The following STARD8 variants were observed in gnomAD, a reference collection of about 807,000 sequenced individuals.
STARD8 encodes stAR-related lipid transfer protein 8.
STARD8 carries 25 observed loss-of-function variants against 69.4 expected under a neutral mutation model. That is an observed-to-expected ratio of 0.36 (90% CI 0.26 to 0.50). The LOEUF (loss-of-function observed/expected upper bound fraction) is 0.50. Ranked by LOEUF, STARD8 falls within the 20% of genes least tolerant of loss-of-function variation. The pLI is 0.96. For missense variants in STARD8, 921 were observed against 932.5 expected (o/e 0.99, Z 0.16); for synonymous variants, 389 against 374.6 (o/e 1.04, Z -0.45).
intron 2 of STARD8, among the ~76,000 whole-genome samples, chrX:68,673,662 C>A (rs2079744511): frequency 8.9e-6 from 1 of 112,325 alleles, no homozygotes; most frequent in African/African-American, 3.2e-5. Flanking sequence ...AAGTGTGGAT[C>A]ATTTTGGGGT....
chrX:68,707,223 C>T (rs139892413), intron 2 of STARD8, among the ~76,000 whole-genome samples: 17 of 112,453 alleles, frequency 1.5e-4, no homozygotes, highest in Middle Eastern at 4.6e-3. Flanking sequence ...TAAAGGAGGC[C>T]ACCACGTGTT....
At position 68,724,109 on chromosome X, in the gene STARD8, G is replaced by A. The variant is rs200912702; in HGVS notation, c.3182G>A (p.Arg1061Gln). 4.1e-4 allele frequency: 500 copies of A among 1,208,462 alleles called. 2 individuals carry two copies. Among genetic ancestry groups the A allele is most frequent in the Non-Finnish European group, 1.1e-4 (96 of 894,462 alleles). The change falls in exon 14 of 15, where the codon CGG becomes CAG. Residue 1061 changes from arginine (R) to glutamine (Q), a missense_variant. Arg to Gln is a conservative substitution (Grantham distance 43). Coordinates refer to ENST00000374599, the MANE Select transcript of STARD8 (RefSeq NM_001142503.3). ...LGRSRLTHIC[R>Q]ADLRGRSPDW... ...CGCTCTCGGCTCACACACATCTGCC[G>A]GGCTGACCTCAGGTATCAGGCCTGG...
intron 1 of STARD8, among the ~76,000 whole-genome samples, chrX:68,653,618 A>C: frequency 3.0e-5 from 1 of 33,241 alleles, no homozygotes; most frequent in Non-Finnish European, 5.8e-5. Context: ...CCCACCACAC[A>C]CACACACACC....
At position 68,722,574 on chromosome X, in the gene STARD8, T is replaced by C; in HGVS notation, c.2727T>C (p.Arg909=). Residue 909 remains arginine (R), a synonymous_variant, in exon 12 of 15, where the codon CGT becomes CGC. Transcript: ENST00000374599. ...AAGAGAATATCCAGGACCTGCTGCG[T>C]GATGCTGCTGAGCGCTTCAAGGGCT... ...YMEENIQDLL[R]DAAERFKGWM... 1 of 1,211,842 alleles carries C rather than the reference T, an allele frequency of 8.3e-7. No individual in the cohort carries two copies. Among genetic ancestry groups the C allele is most frequent in the Non-Finnish European group, 1.1e-6 (1 of 895,591 alleles).
chrX:68,657,367 AT>A (rs918144503), intron 1 of STARD8, among the ~76,000 whole-genome samples: 7 of 111,661 alleles, frequency 6.3e-5, no homozygotes, highest in African/African-American at 2.3e-4. Flanking sequence ...AGCAATATTT[AT>A]TCAGGGCCTA....
intron 1 of STARD8, among the ~76,000 whole-genome samples, chrX:68,653,446 TCACACCACACACACACACCC>T (rs1825619337): frequency 7.4e-4 from 3 of 4,042 alleles, no homozygotes; most frequent in African/African-American, 3.0e-3. Flanking sequence ...CACATACACC[TCACACCACACACACACACCC>T]CACACCCCAC....
intron 1 of STARD8, among the ~76,000 whole-genome samples, chrX:68,656,972 A>G (rs1198827165): frequency 9.0e-6 from 1 of 111,706 alleles, no homozygotes; most frequent in Non-Finnish European, 1.9e-5. Context: ...AAACCTGCAC[A>G]TTGTGCACAT....
chrX:68,719,886 C>T (rs900664516), intron 7 of STARD8, among the ~76,000 whole-genome samples: 6 of 112,025 alleles, frequency 5.4e-5, no homozygotes, highest in Non-Finnish European at 1.1e-4. Flanking sequence ...AATGCATTTT[C>T]CCCATTTCTC....
At position 68,670,939 on chromosome X, in the gene STARD8, C is replaced by G. The variant is rs193096292; in HGVS notation, c.79+5407C>G. Among the ~76,000 whole-genome samples the G allele has an allele frequency of 2.2e-4, 24 of 111,468 alleles. No individual in the cohort carries two copies. The East Asian group carries it at 3.4e-3, about 16-fold the overall frequency. ...CTACCGCCTTTTCTTGTCACTCACACTAGCATAGCCCTCCATCTGGGCCCT... is the reference window on the plus strand; with the variant it reads ...CTACCGCCTTTTCTTGTCACTCACAGTAGCATAGCCCTCCATCTGGGCCCT... On this transcript the variant is annotated intron_variant, in intron 2 of 14. Transcript: ENST00000374599.
Position 68,719,248 on chromosome X carries a change from A to G in STARD8, c.1739A>G (p.Gln580Arg). The change falls in exon 7 of 15, where the codon CAG becomes CGG. Residue 580 changes from glutamine (Q) to arginine (R), a missense_variant. Physicochemically the swap from Gln to Arg is conservative, Grantham distance 43. Coordinates refer to ENST00000374599, the MANE Select transcript of STARD8 (RefSeq NM_001142503.3). ...PCRKLRWHSF[Q>R]NSHRPSLNSE... Reference sequence around the variant, plus strand: ...AGGAAGCTCCGTTGGCATAGCTTCCAGAACTCCCATCGTCCCAGCCTCAAC... The same window carrying G: ...AGGAAGCTCCGTTGGCATAGCTTCCGGAACTCCCATCGTCCCAGCCTCAAC... 1 of 1,193,201 alleles carries G rather than the reference A, an allele frequency of 8.4e-7. No individual in the cohort carries two copies. Among genetic ancestry groups the G allele is most frequent in the Non-Finnish European group, 1.1e-6 (1 of 886,003 alleles).
intron 2 of STARD8, 119 bp from the exon 3 acceptor site, chrX:68,712,795 G>C: frequency 1.5e-6 from 1 of 667,624 alleles, no homozygotes; most frequent in South Asian, 2.8e-5. Context: ...GCCATTGCTA[G>C]ATCACCAGAA....
intron 2 of STARD8, among the ~76,000 whole-genome samples, chrX:68,684,792 G>C (rs1481984334): frequency 8.9e-6 from 1 of 112,856 alleles, no homozygotes; most frequent in African/African-American, 3.2e-5. Context: ...ATTCCATGAA[G>C]TAGAAATGGC....
At position 68,724,131 on chromosome X, in the gene STARD8, C is replaced by T. The variant is rs375634232; in HGVS notation, c.3194+10C>T. ...GCCGGGCTGACCTCAGGTATCAGGC[C>T]TGGGACAGCCTGCTCGACCCCCTTG... On this transcript the variant is annotated intron_variant, in intron 14 of 14. Transcript: ENST00000374599. 1.2e-5 allele frequency: 15 copies of T among 1,203,195 alleles called. No homozygotes were observed. The African/African-American group carries it at 2.4e-4, about 20-fold the overall frequency.
chrX:68,653,694 CACACCACACAT>C (rs1569351475), intron 1 of STARD8, among the ~76,000 whole-genome samples: 1 of 96,847 alleles, frequency 1.0e-5, no homozygotes, highest in Non-Finnish European at 2.1e-5. Context: ...ACACACACAC[CACACCACACAT>C]ACACCACACA....
At chrX:68,722,216 C>G in intron 11 of STARD8, 55 bp downstream of exon 11, 2 of 1,066,682 alleles carry the variant, frequency 1.9e-6, no homozygotes, top group Non-Finnish European at 2.6e-6. Flanking sequence ...AACCATCAGG[C>G]CTGACCTCGG....
At chrX:68,660,749 C>T (rs1173219190) in intron 1 of STARD8, among the ~76,000 whole-genome samples, 3 of 112,714 alleles carry the variant, frequency 2.7e-5, no homozygotes, top group Admixed American at 1.9e-4. Flanking sequence ...CTCCCATGTA[C>T]GTACAAGTGG....
intron 13 of STARD8, 28 bp from the exon 14 acceptor site, chrX:68,723,917 C>T (rs1288983781): frequency 1.7e-6 from 2 of 1,209,763 alleles, no homozygotes; most frequent in East Asian, 5.9e-5. Flanking sequence ...CACTAGGAAT[C>T]TGAGCCTACG....
intron 1 of STARD8, among the ~76,000 whole-genome samples, chrX:68,661,917 C>T (rs1013300689): frequency 7.0e-5 from 7 of 99,759 alleles, no homozygotes; most frequent in Non-Finnish European, 1.2e-4. Flanking sequence ...TTCCTTCCTT[C>T]CTTCCTTCCT....
chrX:68,660,845 C>T (rs2079639944), intron 1 of STARD8, among the ~76,000 whole-genome samples: 1 of 112,563 alleles, frequency 8.9e-6, no homozygotes, highest in African/African-American at 3.2e-5. Context: ...CTGCTTTCCA[C>T]AGTGGCCATG....
Sources: allele counts gnomAD v4.1 joint callset (sites outside exome capture counted in the v4.1 genomes callset), GRCh38; gene constraint gnomAD v4.1.1; transcripts MANE v1.5; gene names NCBI Gene and HGNC (gene_info 2026-07-23, HGNC 2026-07-21).